The following CAMTA1 variants were observed in gnomAD, a reference collection of about 807,000 sequenced individuals.
CAMTA1 encodes calmodulin binding transcription activator 1, also known as calmodulin-binding transcription activator 1.
A neutral mutation model predicts 170.9 loss-of-function variants in CAMTA1; 27 were observed. That is an observed-to-expected ratio of 0.16 (90% CI 0.12 to 0.22). CAMTA1 has a LOEUF of 0.22. Among genes scored for constraint, CAMTA1 ranks in the 10% least tolerant of loss-of-function variants. The pLI is 1.00. For missense variants in CAMTA1, 1,619 were observed against 2,217.2 expected (o/e 0.73, Z 5.42); for synonymous variants, 833 against 891.5 (o/e 0.93, Z 1.17).
intron 5 of CAMTA1, among the ~76,000 whole-genome samples, chr1:7,429,507 A>G (rs1482203959): frequency 1.3e-5 from 2 of 151,426 alleles, no homozygotes; most frequent in African/African-American, 4.9e-5. Context: ...TGATGGTGGT[A>G]ATGGTGGTAC....
At chr1:6,800,080 A>G (rs868466917) in intron 1 of CAMTA1, among the ~76,000 whole-genome samples, 2 of 152,026 alleles carry the variant, frequency 1.3e-5, no homozygotes, top group Admixed American at 1.3e-4. Flanking sequence ...TTAATTTTTT[A>G]GGTCTGTCTG....
intron 11 of CAMTA1, among the ~76,000 whole-genome samples, chr1:7,704,650 G>C (rs1270638710): frequency 6.7e-6 from 1 of 148,784 alleles, no homozygotes; most frequent in Non-Finnish European, 1.5e-5. Flanking sequence ...GCGGCCTGGG[G>C]GGCGGGGTCT....
At chr1:7,679,578 C>CCCG (rs1216219971) in intron 11 of CAMTA1, among the ~76,000 whole-genome samples, 3 of 110,820 alleles carry the variant, frequency 2.7e-5, no homozygotes, top group African/African-American at 9.5e-5. Flanking sequence ...CCTAGCTGCC[C>CCCG]CCCCCCCCAG....
chr1:6,893,823 A>T (rs892340536), intron 3 of CAMTA1, among the ~76,000 whole-genome samples: 1 of 152,192 alleles, frequency 6.6e-6, no homozygotes, highest in East Asian at 1.9e-4. Context: ...CCCTGACTGG[A>T]AAAGAGATTA....
At chr1:7,318,444 A>T (rs1215987437) in intron 5 of CAMTA1, among the ~76,000 whole-genome samples, 1 of 152,180 alleles carries the variant, frequency 6.6e-6, no homozygotes, top group Non-Finnish European at 1.5e-5. Flanking sequence ...TTTCACAGCC[A>T]TTTTCAGGGG....
intron 3 of CAMTA1, among the ~76,000 whole-genome samples, chr1:6,924,060 A>C (rs1191813655): frequency 6.6e-6 from 1 of 152,196 alleles, no homozygotes; most frequent in Non-Finnish European, 1.5e-5. Flanking sequence ...ACCCAGAGTC[A>C]GTAAGAGACT....
At chr1:6,904,100 G>A (rs1326798477) in intron 3 of CAMTA1, among the ~76,000 whole-genome samples, 1 of 152,072 alleles carries the variant, frequency 6.6e-6, no homozygotes, top group African/African-American at 2.4e-5. Context: ...CCCTTCCCTG[G>A]TACTATTTTC....
chr1:7,271,605 T>C (rs1669821644), intron 5 of CAMTA1, among the ~76,000 whole-genome samples: 1 of 138,704 alleles, frequency 7.2e-6, no homozygotes, highest in South Asian at 2.2e-4. Flanking sequence ...GATAGATAGA[T>C]AGATAGATAC....
At chr1:7,276,295 A>ATTTTT (rs1558345332) in intron 5 of CAMTA1, among the ~76,000 whole-genome samples, 41 of 21,252 alleles carry the variant, frequency 1.9e-3, no homozygotes, top group African/African-American at 2.6e-3. Flanking sequence ...ATATATATAT[A>ATTTTT]TATATATATT....
At chr1:7,147,935 T>A (rs1158579741) in intron 4 of CAMTA1, among the ~76,000 whole-genome samples, 10 of 97,344 alleles carry the variant, frequency 1.0e-4, no homozygotes, top group South Asian at 3.3e-4. Context: ...ACACACAAAC[T>A]CATATACCAT....
In CAMTA1 at chr1:7,344,891, C is replaced by T. The variant is rs548367026; in HGVS notation, c.438+95265C>T. Among the ~76,000 whole-genome samples, 11 of 148,802 alleles carry T rather than the reference C, an allele frequency of 7.4e-5. No individual in the cohort carries two copies. In the South Asian group the frequency reaches 1.1e-3, roughly 15 times the overall value. ...CCTCCCCAGTAGCTGGGACCACAGG[C>T]GCCTGCCACCATGCCCGCCTAATTT... On this transcript the variant is annotated intron_variant, in intron 5 of 22. Transcript: ENST00000303635.
chr1:7,043,880 G>A (rs528828650), intron 3 of CAMTA1, among the ~76,000 whole-genome samples: 2 of 152,164 alleles, frequency 1.3e-5, no homozygotes, highest in South Asian at 2.1e-4. Context: ...CCGAGTTGCC[G>A]GAACACAGAG....
At chr1:7,520,487 A>G (rs1293651182) in intron 6 of CAMTA1, among the ~76,000 whole-genome samples, 1 of 151,198 alleles carries the variant, frequency 6.6e-6, no homozygotes, top group African/African-American at 2.4e-5. Context: ...GCGCCCATCC[A>G]TCATGAGTGC....
chr1:6,843,591 C>T (rs1043658263), intron 3 of CAMTA1, among the ~76,000 whole-genome samples: 20 of 152,224 alleles, frequency 1.3e-4, no homozygotes, highest in Non-Finnish European at 2.2e-4. Context: ...GCAGTTCTTC[C>T]GCCTCAGTCT....
chr1:7,436,140 C>T (rs1021315578), intron 5 of CAMTA1, among the ~76,000 whole-genome samples: 1 of 152,212 alleles, frequency 6.6e-6, no homozygotes, highest in African/African-American at 2.4e-5. Flanking sequence ...CTCCCCTCGT[C>T]CCCCAGGCCC....
At chr1:6,833,763 C>T (rs1170143998) in intron 3 of CAMTA1, among the ~76,000 whole-genome samples, 3 of 152,184 alleles carry the variant, frequency 2.0e-5, no homozygotes, top group Admixed American at 6.5e-5. Context: ...AAATCACAAA[C>T]TTGAGCAATG....
chr1:7,040,152 T>C (rs1572624156), intron 3 of CAMTA1, among the ~76,000 whole-genome samples: 1 of 150,020 alleles, frequency 6.7e-6, no homozygotes, highest in African/African-American at 2.4e-5. Flanking sequence ...TTAGACACGC[T>C]AACTGTGATT....
rs138591271 is a variant in CAMTA1, at chr1:7,031,626, G to A, written c.235-59678G>A. 2.6e-3 allele frequency among the ~76,000 whole-genome samples: 389 copies of A among 152,100 alleles called. 1 individual carries two copies. The highest frequency in any genetic ancestry group is 8.7e-3 in the African/African-American group (362 of 41,468). On this transcript the variant is annotated intron_variant, in intron 3 of 22. Transcript: ENST00000303635. The stretch of plus-strand genomic sequence containing the variant: ...GCAATCTTGGTTCACTGCAACCTCC[G>A]CCTCCCGGGTTCAAGTGATTCCCCT...
chr1:7,449,626 T>G (rs2092766151), intron 5 of CAMTA1, among the ~76,000 whole-genome samples: 1 of 151,606 alleles, frequency 6.6e-6, no homozygotes, highest in Non-Finnish European at 1.5e-5. Flanking sequence ...AAAAATTAGC[T>G]GGGCGTCATG....
Sources: gnomAD v4.1 joint callset for allele counts (sites outside exome capture counted in the v4.1 genomes callset) on GRCh38, gnomAD v4.1.1 for gene constraint, MANE v1.5 for transcripts, NCBI Gene and HGNC (gene_info 2026-07-23, HGNC 2026-07-21) for gene names.